MAGI2: variants seen among roughly 807,000 people sequenced by gnomAD.
The protein encoded by MAGI2 is membrane-associated guanylate kinase, WW and PDZ domain-containing protein 2.
Under a neutral mutation model 133.3 loss-of-function variants are expected in MAGI2, and 35 were observed. The observed-to-expected ratio is 0.26, with a 90% CI of 0.20 to 0.35. The LOEUF (loss-of-function observed/expected upper bound fraction) is 0.35. Ranked by LOEUF, MAGI2 falls within the 10% of genes least tolerant of loss-of-function variation. The pLI is 1.00. For synonymous variants in MAGI2, 729 were observed against 710.6 expected, an observed-to-expected ratio of 1.03 and a Z score of -0.41; for missense variants, 1,636 against 1,863.4, an observed-to-expected ratio of 0.88 and a Z score of 2.25.
chr7:79,313,887 C>T (rs1309727651), intron 1 of MAGI2, among the ~76,000 whole-genome samples: 1 of 151,720 alleles, frequency 6.6e-6, no homozygotes, highest in Admixed American at 6.6e-5. Flanking sequence ...ACTGCAATCT[C>T]CACCTCCTGG....
At chr7:79,339,360 G>A (rs1041090610) in intron 1 of MAGI2, among the ~76,000 whole-genome samples, 7 of 151,728 alleles carry the variant, frequency 4.6e-5, no homozygotes, top group Admixed American at 4.6e-4. Flanking sequence ...TCAGTTTTAG[G>A]TAATATACTT....
At chr7:78,993,058 G>A (rs1379696285) in intron 2 of MAGI2, among the ~76,000 whole-genome samples, 1 of 151,924 alleles carries the variant, frequency 6.6e-6, no homozygotes, top group African/African-American at 2.4e-5. Flanking sequence ...TAATAAAGTT[G>A]TGAATAAAAA....
At chr7:78,795,151 T>C (rs1185519840) in intron 2 of MAGI2, among the ~76,000 whole-genome samples, 1 of 152,004 alleles carries the variant, frequency 6.6e-6, no homozygotes, top group Non-Finnish European at 1.5e-5. Context: ...TGATCTTATA[T>C]TGCAAATATA....
intron 3 of MAGI2, among the ~76,000 whole-genome samples, chr7:78,581,868 G>A (rs1802872393): frequency 6.6e-6 from 1 of 152,134 alleles, no homozygotes; most frequent in South Asian, 2.1e-4. Context: ...CAATAAACTA[G>A]GAGGAACTTA....
intron 2 of MAGI2, among the ~76,000 whole-genome samples, chr7:78,863,607 C>T (rs1359991763): frequency 6.6e-6 from 1 of 152,198 alleles, no homozygotes; most frequent in African/African-American, 2.4e-5. Context: ...GACCAAATTT[C>T]AACATGACAA....
chr7:78,135,218 C>G lies in MAGI2; in HGVS notation c.2846-12G>C, dbSNP rs758656026. On this transcript the variant is annotated splice_polypyrimidine_tract_variant and intron_variant, in intron 16 of 21. Coordinates refer to ENST00000354212, the MANE Select transcript of MAGI2 (RefSeq NM_012301.4). Reference sequence around the variant, plus strand: ...TTTATGGGGCACAGCTAAAAAAACCCCAACAGAAATAGGTATCAGGGACAT... The same window carrying G: ...TTTATGGGGCACAGCTAAAAAAACCGCAACAGAAATAGGTATCAGGGACAT... The G allele has an allele frequency of 1.9e-6, 3 of 1,612,146 alleles. No individual in the cohort carries two copies. Among genetic ancestry groups the G allele is most frequent in the East Asian group, 4.5e-5 (2 of 44,888 alleles).
chr7:79,124,494 A>G (rs955322411), intron 1 of MAGI2, among the ~76,000 whole-genome samples: 6 of 152,128 alleles, frequency 3.9e-5, no homozygotes, highest in Admixed American at 3.9e-4. Flanking sequence ...AGGTCTACTG[A>G]CTCCCAAGTT....
intron 2 of MAGI2, among the ~76,000 whole-genome samples, chr7:78,763,071 C>T (rs10264296): frequency 0.4 from 60,397 of 151,980 alleles, 12,677 homozygotes; most frequent in Non-Finnish European, 0.48. Flanking sequence ...TTATCAAAGG[C>T]CTGCCAGTCA....
intron 1 of MAGI2, among the ~76,000 whole-genome samples, chr7:79,161,908 T>C (rs1337765575): frequency 6.6e-6 from 1 of 152,120 alleles, no homozygotes; most frequent in African/African-American, 2.4e-5. Flanking sequence ...TACACTATTT[T>C]TAAATAAAGT....
At chr7:78,259,003 T>G (rs1170058131) in intron 9 of MAGI2, among the ~76,000 whole-genome samples, 1 of 152,174 alleles carries the variant, frequency 6.6e-6, no homozygotes, top group African/African-American at 2.4e-5. Context: ...GGTAGTGTGT[T>G]GAAATTTTCA....
chr7:79,155,858 A>G (rs976516841), intron 1 of MAGI2, among the ~76,000 whole-genome samples: 1 of 152,176 alleles, frequency 6.6e-6, no homozygotes, highest in Non-Finnish European at 1.5e-5. Flanking sequence ...TCATCCGACT[A>G]CAAAACATTA....
intron 14 of MAGI2, among the ~76,000 whole-genome samples, chr7:78,174,662 C>A (rs922215366): frequency 6.6e-6 from 1 of 152,112 alleles, no homozygotes; most frequent in African/African-American, 2.4e-5. Context: ...TTTGACCATA[C>A]CTGATGGTTT....
At chr7:78,650,085 C>A (rs1361492589) in intron 2 of MAGI2, among the ~76,000 whole-genome samples, 1 of 152,074 alleles carries the variant, frequency 6.6e-6, no homozygotes, top group Non-Finnish European at 1.5e-5. Context: ...TTAGTCTAGC[C>A]TGGAGTAGGT....
rs183848432 is a variant in MAGI2 at position 78,510,270 on chromosome 7, A to G, written c.755-8483T>C. Among the ~76,000 whole-genome samples, 18 of 152,324 alleles carry G rather than the reference A, an allele frequency of 1.2e-4. No individual in the cohort carries two copies. In the East Asian group the frequency reaches 3.3e-3, roughly 28 times the overall value. Reference sequence around the variant, plus strand: ...TCTGTCCTTTAAAGTGGGAGGTTGAACAAGTTATTTAATAACTCTGTGGAT... The same window carrying G: ...TCTGTCCTTTAAAGTGGGAGGTTGAGCAAGTTATTTAATAACTCTGTGGAT... On this transcript the variant is annotated intron_variant, in intron 4 of 21. Coordinates refer to ENST00000354212, the MANE Select transcript of MAGI2 (RefSeq NM_012301.4).
intron 1 of MAGI2, among the ~76,000 whole-genome samples, chr7:79,405,723 G>A (rs1253851031): frequency 6.6e-6 from 1 of 152,094 alleles, no homozygotes; most frequent in Non-Finnish European, 1.5e-5. Context: ...AATGTCAGGA[G>A]TAATTTTAGA....
intron 12 of MAGI2, among the ~76,000 whole-genome samples, chr7:78,190,987 AT>A (rs1396273560): frequency 1.3e-5 from 2 of 152,248 alleles, no homozygotes; most frequent in African/African-American, 4.8e-5. Flanking sequence ...AACAGAGACT[AT>A]TATCACATAC....
At chr7:79,200,106 T>C (rs1439706865) in intron 1 of MAGI2, among the ~76,000 whole-genome samples, 1 of 151,828 alleles carries the variant, frequency 6.6e-6, no homozygotes, top group Non-Finnish European at 1.5e-5. Flanking sequence ...ACCAATCTCC[T>C]GGCATACCAG....
At chr7:79,004,573 G>A (rs774323809) in intron 2 of MAGI2, among the ~76,000 whole-genome samples, 61 of 152,132 alleles carry the variant, frequency 4.0e-4, no homozygotes, top group Non-Finnish European at 7.5e-4. Flanking sequence ...ACAGTGTATT[G>A]TATATTTCAA....
intron 10 of MAGI2, among the ~76,000 whole-genome samples, chr7:78,249,833 A>G (rs1175205760): frequency 6.6e-6 from 1 of 152,068 alleles, no homozygotes; most frequent in Non-Finnish European, 1.5e-5. Flanking sequence ...GTATATTTCA[A>G]AGTAGATAGA....
Sources: gnomAD v4.1 joint callset for allele counts (sites outside exome capture counted in the v4.1 genomes callset) on GRCh38, gnomAD v4.1.1 for gene constraint, MANE v1.5 for transcripts, NCBI Gene and HGNC (gene_info 2026-07-23, HGNC 2026-07-21) for gene names.